PARD3B: variants seen among roughly 807,000 people sequenced by gnomAD.
PARD3B encodes partitioning defective 3 homolog B.
In PARD3B, 103 loss-of-function variants were observed where a neutral mutation model predicts 130.2. The observed-to-expected ratio is 0.79, with a 90% CI of 0.67 to 0.93. The LOEUF (loss-of-function observed/expected upper bound fraction) is 0.93, where lower values mean the gene tolerates loss of function less well. PARD3B is among the 40% of genes least tolerant of loss of function. The pLI, the probability that PARD3B is intolerant of heterozygous loss-of-function variation, is 0.00. For missense variants in PARD3B, 1,609 were observed against 1,499.2 expected, an observed-to-expected ratio of 1.07 and a Z score of -1.21; for synonymous variants, 583 against 553.2, an observed-to-expected ratio of 1.05 and a Z score of -0.76.
At chr2:205,293,963 G>C (rs1029999057) in intron 16 of PARD3B, among the ~76,000 whole-genome samples, 10 of 152,044 alleles carry the variant, frequency 6.6e-5, no homozygotes, top group Admixed American at 5.2e-4. Flanking sequence ...TCCCACACTG[G>C]TCCATTTATT....
chr2:205,408,295 T>G (rs1002030389), intron 19 of PARD3B, among the ~76,000 whole-genome samples: 1 of 152,162 alleles, frequency 6.6e-6, no homozygotes, highest in Non-Finnish European at 1.5e-5. Context: ...ATAAACGAAA[T>G]GCATCTTAGA....
At chr2:205,161,974 G>A (rs746140866) in intron 11 of PARD3B, among the ~76,000 whole-genome samples, 1 of 152,204 alleles carries the variant, frequency 6.6e-6, no homozygotes, top group Non-Finnish European at 1.5e-5. Context: ...CTTCTTGCCA[G>A]ATGTAAAACC....
At chr2:205,429,228 A>C (rs902386270) in intron 19 of PARD3B, among the ~76,000 whole-genome samples, 1 of 152,196 alleles carries the variant, frequency 6.6e-6, no homozygotes, top group African/African-American at 2.4e-5. Context: ...GTATTCCCCC[A>C]AAAATGTTCC....
intron 22 of PARD3B, among the ~76,000 whole-genome samples, chr2:205,582,923 CAGCTCGG>C (rs2054045474): frequency 6.6e-6 from 1 of 152,148 alleles, no homozygotes; most frequent in African/African-American, 2.4e-5. Flanking sequence ...GAATTCAGGA[CAGCTCGG>C]TCATTGAACT....
intron 20 of PARD3B, among the ~76,000 whole-genome samples, chr2:205,457,100 A>T (rs1413921538): frequency 6.6e-6 from 1 of 151,864 alleles, no homozygotes; most frequent in African/African-American, 2.4e-5. Context: ...AGAATTTTCC[A>T]GTGAAATCAT....
At chr2:205,226,173 C>G (rs983992902) in intron 15 of PARD3B, among the ~76,000 whole-genome samples, 1 of 152,164 alleles carries the variant, frequency 6.6e-6, no homozygotes, top group East Asian at 1.9e-4. Context: ...TCCCGAGTAG[C>G]TGGGACTACA....
chr2:205,518,239 T>C (rs1174056284), intron 21 of PARD3B, among the ~76,000 whole-genome samples: 2 of 152,196 alleles, frequency 1.3e-5, no homozygotes, highest in Non-Finnish European at 2.9e-5. Context: ...CTCTAAGAAC[T>C]TGCTTTATGA....
intron 21 of PARD3B, among the ~76,000 whole-genome samples, chr2:205,506,218 A>C (rs914743277): frequency 2.0e-5 from 3 of 152,162 alleles, no homozygotes; most frequent in African/African-American, 7.2e-5. Flanking sequence ...CTGTAGTCCC[A>C]GCTACTTGGG....
intron 5 of PARD3B, among the ~76,000 whole-genome samples, chr2:205,106,457 A>G (rs1229717625): frequency 6.6e-6 from 1 of 151,838 alleles, no homozygotes; most frequent in African/African-American, 2.4e-5. Context: ...CCAAAAACAT[A>G]TATATTCTTT....
chr2:204,649,928 C>A (rs1288825034), intron 1 of PARD3B, among the ~76,000 whole-genome samples: 2 of 152,140 alleles, frequency 1.3e-5, no homozygotes, highest in African/African-American at 4.8e-5. Flanking sequence ...TCTAATTAAA[C>A]TTAAAAGCTT....
intron 3 of PARD3B, among the ~76,000 whole-genome samples, chr2:205,027,377 A>G (rs1697110235): frequency 6.6e-6 from 1 of 152,096 alleles, no homozygotes; most frequent in Non-Finnish European, 1.5e-5. Flanking sequence ...AAAAATGTCT[A>G]TTCATGTCCT....
intron 22 of PARD3B, among the ~76,000 whole-genome samples, chr2:205,597,693 A>C (rs2106616352): frequency 6.6e-6 from 1 of 152,230 alleles, no homozygotes; most frequent in African/African-American, 2.4e-5. Flanking sequence ...TGTCGTTTTT[A>C]GACTTTATAA....
intron 2 of PARD3B, among the ~76,000 whole-genome samples, chr2:204,764,691 A>T (rs893285535): frequency 3.5e-5 from 5 of 143,780 alleles, no homozygotes; most frequent in African/African-American, 1.3e-4. Flanking sequence ...CTACCTGACC[A>T]GCAGGCTGAA....
intron 1 of PARD3B, among the ~76,000 whole-genome samples, chr2:204,565,460 T>C (rs1227225547): frequency 6.6e-6 from 1 of 152,222 alleles, no homozygotes; most frequent in Non-Finnish European, 1.5e-5. Context: ...CATTGGTCAT[T>C]TGGAAACTAT....
At chr2:205,501,247 C>T (rs555230483) in intron 21 of PARD3B, among the ~76,000 whole-genome samples, 10 of 152,268 alleles carry the variant, frequency 6.6e-5, no homozygotes, top group African/African-American at 2.2e-4. Flanking sequence ...CAGAAGTGCA[C>T]AGTGCAGATG....
chr2:205,272,667 G>T (rs1027943382), intron 16 of PARD3B, among the ~76,000 whole-genome samples: 5 of 152,192 alleles, frequency 3.3e-5, no homozygotes, highest in Admixed American at 2.6e-4. Context: ...ATACCGTGTA[G>T]CTTCCAACCT....
intron 22 of PARD3B, among the ~76,000 whole-genome samples, chr2:205,577,943 G>A (rs1260041459): frequency 6.6e-6 from 1 of 152,168 alleles, no homozygotes; most frequent in Non-Finnish European, 1.5e-5. Flanking sequence ...ACATTGATAA[G>A]AATACTGCTG....
intron 10 of PARD3B, among the ~76,000 whole-genome samples, chr2:205,136,272 C>T (rs897661476): frequency 1.3e-5 from 2 of 152,168 alleles, no homozygotes; most frequent in South Asian, 2.1e-4. Flanking sequence ...GACCTCCCAT[C>T]GTACCTTTCT....
At chr2:204,630,219 C>G (rs1000857863) in intron 1 of PARD3B, among the ~76,000 whole-genome samples, 2 of 151,908 alleles carry the variant, frequency 1.3e-5, no homozygotes, top group African/African-American at 4.8e-5. Flanking sequence ...GTAATGTTAG[C>G]AGGTGTGCTT....
Sources: gnomAD v4.1 joint callset for allele counts (sites outside exome capture counted in the v4.1 genomes callset) on GRCh38, gnomAD v4.1.1 for gene constraint, MANE v1.5 for transcripts, NCBI Gene and HGNC (gene_info 2026-07-23, HGNC 2026-07-21) for gene names.